Variants in ANTXRL observed in about 807,000 individuals in gnomAD.
The protein encoded by ANTXRL is ANTXR like.
A neutral mutation model predicts 75.4 loss-of-function variants in ANTXRL; 63 were observed. The ratio of observed to expected loss-of-function variants is 0.84; its 90% CI spans 0.68 to 1.03. The LOEUF (loss-of-function observed/expected upper bound fraction) is 1.03. Ranked by LOEUF, ANTXRL falls within the 50% of genes least tolerant of loss-of-function variation. The pLI is 0.00. For synonymous variants in ANTXRL, 335 were observed against 291.3 expected (o/e 1.15, Z -1.53); for missense variants, 797 against 789.4 (o/e 1.01, Z -0.12).
At chr10:46,299,327 A>T (rs1837575786) in intron 9 of ANTXRL, among the ~76,000 whole-genome samples, 1 of 152,124 alleles carries the variant, frequency 6.6e-6, no homozygotes, top group Non-Finnish European at 1.5e-5. Flanking sequence ...ATCCCACAGG[A>T]TCAATCCCAG....
chr10:46,294,035 A>G (rs1270000553), intron 3 of ANTXRL, 135 bp downstream of exon 3: 2 of 747,460 alleles, frequency 2.7e-6, no homozygotes, highest in Non-Finnish European at 4.3e-6. Flanking sequence ...GGCAACTCAC[A>G]GTACCCACCT....
chr10:46,310,729 G>T (rs1262996177), intron 14 of ANTXRL, among the ~76,000 whole-genome samples: 1 of 152,100 alleles, frequency 6.6e-6, no homozygotes, highest in African/African-American at 2.4e-5. Flanking sequence ...TCGCAGCCTG[G>T]GGTGGCCAGT....
In ANTXRL at chr10:46,297,464, A is replaced by T; in HGVS notation, c.644A>T (p.Asn215Ile). 6.5e-7 allele frequency: 1 copy of T among 1,535,756 alleles called. No individual in the cohort carries two copies. Among genetic ancestry groups the T allele is most frequent in the Non-Finnish European group, 8.7e-7 (1 of 1,146,692 alleles). ...NVYTLGVADYNLDQITAIADS... is the reference protein window; with the variant it reads ...NVYTLGVADYILDQITAIADS... Reference sequence around the variant, plus strand: ...TACACCCTGGGTGTGGCTGATTATAATCTGGATCAGGTAATTCCAAGCAGG... The same window carrying T: ...TACACCCTGGGTGTGGCTGATTATATTCTGGATCAGGTAATTCCAAGCAGG... The change falls in exon 7 of 17, where the codon AAT (asparagine) becomes ATT (isoleucine). Residue 215 changes from asparagine to isoleucine, a missense_variant. By Grantham distance (149) the Asn-to-Ile change is moderately radical. Transcript: ENST00000620264.
intron 16 of ANTXRL, among the ~76,000 whole-genome samples, chr10:46,316,954 C>T (rs115468979): frequency 0.046 from 6,940 of 152,088 alleles, 543 homozygotes; most frequent in African/African-American, 0.16. Flanking sequence ...AGTGTGTGGG[C>T]ATGTGAGTGC....
At chr10:46,310,913 C>A (rs1183353707) in intron 14 of ANTXRL, among the ~76,000 whole-genome samples, 2 of 152,132 alleles carry the variant, frequency 1.3e-5, no homozygotes, top group African/African-American at 4.8e-5. Flanking sequence ...GGATCCATGT[C>A]TCCTGGCAGG....
chr10:46,309,792 C>T (rs1397247005), intron 13 of ANTXRL, among the ~76,000 whole-genome samples: 1 of 152,166 alleles, frequency 6.6e-6, no homozygotes. Context: ...CCACAGGCAG[C>T]TCACAGTTCT....
intron 1 of ANTXRL, among the ~76,000 whole-genome samples, chr10:46,291,199 C>T (rs1233597404): frequency 6.6e-6 from 1 of 152,156 alleles, no homozygotes; most frequent in Admixed American, 6.6e-5. Context: ...CTTTCCCACA[C>T]TGAGTGTTCT....
At chr10:46,308,996 A>G (rs1838263467) in intron 12 of ANTXRL, 117 bp from the exon 13 acceptor site, 1 of 1,408,194 alleles carries the variant, frequency 7.1e-7, no homozygotes, top group Non-Finnish European at 9.6e-7. Flanking sequence ...GCCCCACTGT[A>G]GTACCCGGAT....
rs1554959153 is a variant in ANTXRL, at chr10:46,297,464, A to C, written c.644A>C (p.Asn215Thr). 6.5e-7 allele frequency: 1 copy of C among 1,535,638 alleles called. No homozygotes were observed. Among genetic ancestry groups the C allele is most frequent in the African/African-American group, 1.4e-5 (1 of 72,994 alleles). ...TACACCCTGGGTGTGGCTGATTATAATCTGGATCAGGTAATTCCAAGCAGG... is the reference window on the plus strand; with the variant it reads ...TACACCCTGGGTGTGGCTGATTATACTCTGGATCAGGTAATTCCAAGCAGG... ...NVYTLGVADY[N>T]LDQITAIADS... The change falls in exon 7 of 17, where the codon AAT becomes ACT. Residue 215 changes from asparagine (N) to threonine (T), a missense_variant. By Grantham distance (65) the Asn-to-Thr change is moderately conservative. Coordinates refer to ENST00000620264, the MANE Select transcript of ANTXRL (RefSeq NM_001278688.3).
At chr10:46,320,438 T>C (rs1838926782) in intron 16 of ANTXRL, among the ~76,000 whole-genome samples, 2 of 152,076 alleles carry the variant, frequency 1.3e-5, no homozygotes, top group Non-Finnish European at 2.9e-5. Context: ...TTTGTTACAA[T>C]TGTTCACCCA....
intron 16 of ANTXRL, among the ~76,000 whole-genome samples, chr10:46,322,730 T>C (rs1554965828): frequency 6.6e-6 from 1 of 152,192 alleles, no homozygotes; most frequent in African/African-American, 2.4e-5. Flanking sequence ...ATGCTTAACA[T>C]TGAATTTACA....
chr10:46,309,259 G>A lies in ANTXRL; in HGVS notation c.1134+57G>A, dbSNP rs1421320540. 5 of 1,523,112 alleles carry A rather than the reference G, an allele frequency of 3.3e-6. No individual in the cohort carries two copies. The Admixed American group carries it at 1.0e-4, about 31-fold the overall frequency. 94.3% of individuals were successfully genotyped at this position (1,523,112 alleles called of 1,614,324 possible). A position where few individuals can be genotyped will look rare whatever the true frequency, so the allele number is the denominator to read the frequency against. ...CCCAGGCACAGGCCCACCCTCTGAG[G>A]GACTCTAACATGTGACTGCCCCCCG... On this transcript the variant is annotated intron_variant, in intron 13 of 16. Transcript: ENST00000620264.
At chr10:46,294,229 T>G (rs1369293110) in intron 3 of ANTXRL, 22 of 366,688 alleles carry the variant, frequency 6.0e-5, no homozygotes, top group South Asian at 4.0e-4. Flanking sequence ...AGGGCGGGGG[T>G]GTGTGTCCTG....
intron 16 of ANTXRL, 140 bp downstream of exon 16, chr10:46,313,456 C>A: frequency 1.1e-6 from 1 of 873,878 alleles, no homozygotes; most frequent in East Asian, 2.7e-5. Context: ...AGAAACGGTG[C>A]CCATGGGCAT....
chr10:46,288,759 G>A (rs781807689), intron 1 of ANTXRL, among the ~76,000 whole-genome samples: 2 of 152,180 alleles, frequency 1.3e-5, no homozygotes, highest in Non-Finnish European at 2.9e-5. Context: ...GGACCTGCCA[G>A]GCAAGGCAGA....
intron 16 of ANTXRL, among the ~76,000 whole-genome samples, chr10:46,328,862 G>A (rs1554966954): frequency 6.6e-6 from 1 of 152,100 alleles, no homozygotes; most frequent in Non-Finnish European, 1.5e-5. Flanking sequence ...CTTGCCTGAG[G>A]TCAGAGGCTA....
intron 9 of ANTXRL, among the ~76,000 whole-genome samples, chr10:46,299,287 C>T (rs1317737651): frequency 9.9e-5 from 15 of 152,152 alleles, no homozygotes; most frequent in African/African-American, 3.6e-4. Context: ...CCGACAAAGT[C>T]GTCCACACAA....
rs1554964013 is a variant in ANTXRL at position 46,313,316 on chromosome 10, G to C, written c.1410G>C (p.Gln470His). 1.3e-6 allele frequency: 2 copies of C among 1,535,714 alleles called. No homozygotes were observed. The highest frequency in any genetic ancestry group is 1.7e-6 in the Non-Finnish European group (2 of 1,146,682). ...VPWMCCQSRD[Q>H]GRYLSLALAQ... is the part of the protein sequence containing the mutation. ...GGATGTGTTGTCAGAGCAGGGACCA[G>C]GTGAGCTAGGGCACAGGGACACAGT... Residue 470 changes from glutamine to histidine, a missense_variant and splice_region_variant, in exon 16 of 17, where the codon CAG (glutamine) becomes CAC (histidine). This residue lies in a region of ANTXRL where 479 missense variants were observed against 422.0 expected (regional missense o/e 1.14). Transcript: ENST00000620264.
Position 46,309,334 on chromosome 10 carries a change from C to T in ANTXRL, c.1134+132C>T, listed in dbSNP as rs115583253. On this transcript the variant is annotated intron_variant, in intron 13 of 16. Transcript: ENST00000620264. ...CTCAGCTCCCAGCTCATCACGTGAG[C>T]CCAGGGAGTCGCAGACCTGTCCACA... 3.6e-3 allele frequency: 5,364 copies of T among 1,473,396 alleles called. 186 individuals are homozygous for T. In the African/African-American group the frequency reaches 0.065, roughly 18 times the overall value. The allele number at this position is 1,473,396 out of a possible 1,614,324, so 91.3% of individuals were successfully genotyped here. A position where few individuals can be genotyped will look rare whatever the true frequency, so the allele number is the denominator to read the frequency against.
Sources: gnomAD v4.1 joint callset for allele counts (sites outside exome capture counted in the v4.1 genomes callset) on GRCh38, gnomAD v4.1.1 for gene constraint, gnomAD v4.1.1 regional missense constraint, MANE v1.5 for transcripts, NCBI Gene and HGNC (gene_info 2026-07-23, HGNC 2026-07-21) for gene names.